Variants in ZBTB7C observed in about 807,000 individuals in gnomAD.
The protein encoded by ZBTB7C is zinc finger and BTB domain-containing protein 7C.
ZBTB7C carries 8 observed loss-of-function variants against 25.7 expected under a neutral mutation model. The observed-to-expected ratio is 0.31, with a 90% CI of 0.18 to 0.56. ZBTB7C has a LOEUF of 0.56. ZBTB7C is among the 20% of genes least tolerant of loss of function. ZBTB7C has a pLI of 0.91. For synonymous variants in ZBTB7C, 394 were observed against 369.0 expected (o/e 1.07, Z -0.78); for missense variants, 824 against 855.2 (o/e 0.96, Z 0.46).
chr18:48,385,397 G>A (rs907155876), intron 1 of ZBTB7C, among the ~76,000 whole-genome samples: 1 of 152,136 alleles, frequency 6.6e-6, no homozygotes, highest in African/African-American at 2.4e-5. Flanking sequence ...GATGGGGGTC[G>A]CTGATGAGAA....
At chr18:48,287,563 C>T (rs2045094233) in intron 2 of ZBTB7C, among the ~76,000 whole-genome samples, 1 of 152,016 alleles carries the variant, frequency 6.6e-6, no homozygotes, top group African/African-American at 2.4e-5. Flanking sequence ...ACTTTGTAAC[C>T]CATTTTGTAA....
chr18:48,192,102 G>T (rs2042211731), intron 2 of ZBTB7C, among the ~76,000 whole-genome samples: 1 of 152,158 alleles, frequency 6.6e-6, no homozygotes, highest in Non-Finnish European at 1.5e-5. Context: ...ACAAAAGAAT[G>T]TAATTCAGCG....
rs188890174 is a variant in ZBTB7C at position 48,318,219 on chromosome 18, A to C, written c.-79+19955T>G. Among the ~76,000 whole-genome samples the C allele has an allele frequency of 3.0e-3, 458 of 152,090 alleles. 1 individual carries two copies. The highest frequency in any genetic ancestry group is 4.6e-3 in the African/African-American group (189 of 41,512). On this transcript the variant is annotated intron_variant, in intron 2 of 4. Transcript: ENST00000590800. ...TTGCAAAAAACAAAACAAAACAAAA[A>C]AAAAACCTAAAAAAACAACCAAAAA...
chr18:48,166,649 G>C (rs1404620856), intron 3 of ZBTB7C, among the ~76,000 whole-genome samples: 3 of 152,174 alleles, frequency 2.0e-5, no homozygotes, highest in African/African-American at 7.2e-5. Context: ...CAGCATGTTA[G>C]GGGGCAAGAA....
intron 2 of ZBTB7C, among the ~76,000 whole-genome samples, chr18:48,208,811 T>G (rs1272631399): frequency 1.3e-5 from 2 of 152,184 alleles, no homozygotes; most frequent in Non-Finnish European, 2.9e-5. Context: ...TGACTTAATT[T>G]GTGATTTATT....
At chr18:48,337,479 C>T (rs2046482522) in intron 2 of ZBTB7C, among the ~76,000 whole-genome samples, 1 of 152,214 alleles carries the variant, frequency 6.6e-6, no homozygotes, top group African/African-American at 2.4e-5. Flanking sequence ...GCCTTCTAGG[C>T]CCTAGAGACT....
At chr18:48,140,139 T>A (rs2040296932) in intron 3 of ZBTB7C, among the ~76,000 whole-genome samples, 1 of 152,152 alleles carries the variant, frequency 6.6e-6, no homozygotes. Context: ...CAGAAGCACA[T>A]AAGCAAACAT....
intron 3 of ZBTB7C, among the ~76,000 whole-genome samples, chr18:48,157,968 C>T (rs2040888061): frequency 6.6e-6 from 1 of 152,046 alleles, no homozygotes; most frequent in South Asian, 2.1e-4. Flanking sequence ...GGGAATAGGG[C>T]TTGAGGGAGG....
At chr18:48,285,157 T>C (rs370914175) in intron 2 of ZBTB7C, among the ~76,000 whole-genome samples, 1 of 152,238 alleles carries the variant, frequency 6.6e-6, no homozygotes, top group Non-Finnish European at 1.5e-5. Flanking sequence ...CTCATGCTTG[T>C]TACTTGTATT....
chr18:48,141,248 C>G (rs1434512427), intron 3 of ZBTB7C, among the ~76,000 whole-genome samples: 1 of 151,584 alleles, frequency 6.6e-6, no homozygotes, highest in Non-Finnish European at 1.5e-5. Context: ...GGAATGTCAC[C>G]TCCTCAGAGA....
intron 2 of ZBTB7C, among the ~76,000 whole-genome samples, chr18:48,259,304 G>GA (rs2044105204): frequency 1.3e-5 from 2 of 149,528 alleles, no homozygotes; most frequent in East Asian, 2.0e-4. Flanking sequence ...GAAAAGGATA[G>GA]TCTTTTCAAC....
chr18:48,199,592 C>T (rs550468389), intron 2 of ZBTB7C, among the ~76,000 whole-genome samples: 3 of 152,192 alleles, frequency 2.0e-5, no homozygotes, highest in South Asian at 2.1e-4. Context: ...TCTATTCCTT[C>T]GAGCTCTTTT....
chr18:48,247,313 A>T (rs1475837261), intron 2 of ZBTB7C, among the ~76,000 whole-genome samples: 1 of 152,230 alleles, frequency 6.6e-6, no homozygotes, highest in African/African-American at 2.4e-5. Context: ...GAAAGTTTTT[A>T]AAAACAACGA....
intron 1 of ZBTB7C, among the ~76,000 whole-genome samples, chr18:48,386,669 G>T (rs1440176376): frequency 2.0e-5 from 3 of 152,318 alleles, no homozygotes; most frequent in African/African-American, 4.8e-5. Context: ...TTGGTTACGT[G>T]AATAAATTCA....
intron 3 of ZBTB7C, among the ~76,000 whole-genome samples, chr18:48,112,817 A>G (rs745491973): frequency 3.1e-4 from 47 of 152,240 alleles, no homozygotes; most frequent in Admixed American, 4.6e-4. Context: ...AGGATTGAGG[A>G]TCGCATTCCA....
intron 1 of ZBTB7C, among the ~76,000 whole-genome samples, chr18:48,369,498 CA>C (rs1310117849): frequency 6.6e-6 from 1 of 151,732 alleles, no homozygotes; most frequent in South Asian, 2.1e-4. Flanking sequence ...ACTCTGTCTA[CA>C]AAAAATTCAC....
chr18:48,365,674 G>T (rs2047206132), intron 1 of ZBTB7C, among the ~76,000 whole-genome samples: 1 of 152,008 alleles, frequency 6.6e-6, no homozygotes, highest in African/African-American at 2.4e-5. Flanking sequence ...ACCCAACTAT[G>T]CCATGCAGAG....
chr18:48,389,230 CTCTCTCGTGTGTGTGTGTGTGT>C (rs2047830544), intron 1 of ZBTB7C, among the ~76,000 whole-genome samples: 1 of 78,772 alleles, frequency 1.3e-5, no homozygotes, highest in Admixed American at 1.4e-4. Flanking sequence ...CTCTCTCTCT[CTCTCTCGTGTGTGTGTGTGTGT>C]GTGTGTGTGT....
At chr18:48,165,246 G>T (rs1158505614) in intron 3 of ZBTB7C, 1 of 581,350 alleles carries the variant, frequency 1.7e-6, no homozygotes, top group Non-Finnish European at 2.9e-6. Flanking sequence ...CCACAGCTTA[G>T]AGCAGCTCTG....
Sources: allele counts gnomAD v4.1 joint callset (sites outside exome capture counted in the v4.1 genomes callset), GRCh38; gene constraint gnomAD v4.1.1; transcripts MANE v1.5; gene names NCBI Gene and HGNC (gene_info 2026-07-23, HGNC 2026-07-21).